Variants in RNF213 observed in about 807,000 individuals in gnomAD.
The protein encoded by RNF213 is ring finger protein 213.
Under a neutral mutation model 514.4 loss-of-function variants are expected in RNF213, and 341 were observed. That is an observed-to-expected ratio of 0.66 (90% CI 0.61 to 0.73). The LOEUF is 0.73. Ranked by LOEUF, RNF213 falls within the 30% of genes least tolerant of loss-of-function variation. The pLI, the probability that RNF213 is intolerant of heterozygous loss-of-function variation, is 0.00. For missense variants in RNF213, 5,767 were observed against 6,615.6 expected, an observed-to-expected ratio of 0.87 and a Z score of 4.45; for synonymous variants, 2,655 against 2,658.2, an observed-to-expected ratio of 1.00 and a Z score of 0.04.
At chr17:80,363,350 G>A in intron 40 of RNF213, 36 bp downstream of exon 40, 2 of 1,594,416 alleles carry the variant, frequency 1.3e-6, no homozygotes, top group Non-Finnish European at 1.7e-6. Flanking sequence ...AGCAAGCCTT[G>A]TGGTGCTTCC....
At chr17:80,321,187 A>G (rs942312571) in intron 17 of RNF213, 1 of 152,216 alleles carries the variant, frequency 6.6e-6, no homozygotes, top group African/African-American at 2.4e-5. Context: ...TTTCATATAC[A>G]TCTTATACAC....
In RNF213 at chr17:80,377,714, C is replaced by A. The variant is rs758219329; in HGVS notation, c.13511-48C>A. The A allele has an allele frequency of 2.5e-6, 4 of 1,607,650 alleles. No homozygotes were observed. The South Asian group carries it at 4.4e-5, about 18-fold the overall frequency. On this transcript the variant is annotated intron_variant, in intron 53 of 67. Transcript: ENST00000582970. This position sits in a 1 kb window ranked among gnomAD's most constrained non-coding sequence, Gnocchi z 4.1. ...TTAGCTTTCCCTTTTCAATGTGGGT[C>A]ATTGGGTGAAACCTCATTAGCCAAT...
chr17:80,344,969 T>C lies in RNF213; in HGVS notation c.6634T>C (p.Trp2212Arg). 3 of 1,614,196 alleles carry C rather than the reference T, an allele frequency of 1.9e-6. No individual in the cohort carries two copies. The East Asian group carries it at 6.7e-5, about 36-fold the overall frequency. ...LFHCGVINPS[W>R]SELRNFARFL... ...TCACTGCGGGGTAATAAACCCATCCTGGTCAGAGCTTCGGAACTTTGCTCG... is the reference window on the plus strand; with the variant it reads ...TCACTGCGGGGTAATAAACCCATCCCGGTCAGAGCTTCGGAACTTTGCTCG... Residue 2212 changes from tryptophan (W) to arginine (R), a missense_variant, in exon 29 of 68, where the codon TGG (tryptophan) becomes CGG (arginine). By Grantham distance (101) the Trp-to-Arg change is moderately radical. Around this residue, in one of 13 missense-constraint regions of RNF213, gnomAD observed 1,377 missense variants for 1,635.2 expected, o/e 0.84. Transcript: ENST00000582970.
chr17:80,282,560 A>G (rs1400652637), intron 3 of RNF213, among the ~76,000 whole-genome samples: 1 of 151,298 alleles, frequency 6.6e-6, no homozygotes, highest in Non-Finnish European at 1.5e-5. Context: ...CACCACGCCC[A>G]GCCAATTTTT....
Position 80,387,109 on chromosome 17 carries a change from T to C in RNF213, c.14922+218T>C, listed in dbSNP as rs1230403980. 4.6e-5 allele frequency among the ~76,000 whole-genome samples: 7 copies of C among 152,254 alleles called. No homozygotes were observed. In the South Asian group the frequency reaches 1.4e-3, roughly 32 times the overall value. The stretch of plus-strand genomic sequence containing the variant: ...TCCTGCAGGGCCATCTGCACCTCAG[T>C]CCCCCAAGGAACTGTTGAGGTCTTT... On this transcript the variant is annotated intron_variant, in intron 63 of 67. Coordinates refer to ENST00000582970, the MANE Select transcript of RNF213 (RefSeq NM_001256071.3).
At chr17:80,274,778 G>A (rs1382606918) in intron 3 of RNF213, among the ~76,000 whole-genome samples, 2 of 16,364 alleles carry the variant, frequency 1.2e-4, no homozygotes, top group African/African-American at 8.5e-4. Flanking sequence ...TGAGTGGGGT[G>A]TCTGTGGGGG....
chr17:80,306,180 C>T, intron 11 of RNF213, 72 bp from the exon 12 acceptor site: 2 of 1,400,050 alleles, frequency 1.4e-6, no homozygotes, highest in Non-Finnish European at 2.0e-6. Flanking sequence ...GTCCCTCCAG[C>T]ATTGGTTTCC....
chr17:80,386,714 C>T lies in RNF213; in HGVS notation c.14745C>T (p.Val4915=), dbSNP rs758766027. 3.7e-6 allele frequency: 6 copies of T among 1,614,214 alleles called. No homozygotes were observed. The East Asian group carries it at 1.3e-4, about 36-fold the overall frequency. ...NNSYSVDAAE[V]TELHVISYEV... is the part of the protein sequence containing the mutation. Reference sequence around the variant, plus strand: ...GCTATTCCGTGGATGCCGCCGAGGTCACTGAACTGCATGTCATCAGTTATG... The same window carrying T: ...GCTATTCCGTGGATGCCGCCGAGGTTACTGAACTGCATGTCATCAGTTATG... Residue 4915 remains valine, a synonymous_variant, in exon 63 of 68, where the codon GTC becomes GTT. Coordinates refer to ENST00000582970, the MANE Select transcript of RNF213 (RefSeq NM_001256071.3).
chr17:80,273,007 G>A (rs1009155392), intron 2 of RNF213, among the ~76,000 whole-genome samples: 7 of 152,060 alleles, frequency 4.6e-5, no homozygotes, highest in Non-Finnish European at 2.9e-5. Context: ...ATGCTAGGAC[G>A]GCACAGTCTT....
intron 32 of RNF213, 174 bp from the exon 33 acceptor site, chr17:80,352,766 T>G: frequency 1.1e-6 from 1 of 896,816 alleles, no homozygotes; most frequent in Non-Finnish European, 1.8e-6. Context: ...TCGTGTATAG[T>G]ATCGGGTTGG....
At chr17:80,302,125 G>A (rs7503361) in intron 11 of RNF213, among the ~76,000 whole-genome samples, 3,562 of 152,276 alleles carry the variant, frequency 0.023, 132 homozygotes, top group African/African-American at 0.082. Context: ...TACGAGAGGC[G>A]AGGAAGGATG....
chr17:80,290,486 CGT>C (rs139912986), intron 6 of RNF213, 82 bp from the exon 7 acceptor site: 103,538 of 1,534,644 alleles, frequency 0.067, 4,128 homozygotes, highest in Non-Finnish European at 0.077. Context: ...TGTGTGCGCA[CGT>C]GTGTGTGTGC....
intron 58 of RNF213, among the ~76,000 whole-genome samples, chr17:80,383,364 G>A (rs770505224): frequency 8.5e-5 from 13 of 152,258 alleles, no homozygotes; most frequent in Non-Finnish European, 1.9e-4. Flanking sequence ...TAATGTACGA[G>A]GTAGAGAAAT....
intron 3 of RNF213, among the ~76,000 whole-genome samples, chr17:80,287,452 G>A (rs2044511436): frequency 6.6e-6 from 1 of 152,196 alleles, no homozygotes; most frequent in Admixed American, 6.5e-5. Context: ...ACAGTGAGCT[G>A]GGTTTGCACC....
At chr17:80,282,945 G>A (rs1039797743) in intron 3 of RNF213, among the ~76,000 whole-genome samples, 4 of 152,046 alleles carry the variant, frequency 2.6e-5, no homozygotes, top group African/African-American at 9.7e-5. Flanking sequence ...TGATCCGCCC[G>A]CCTCGTTCTC....
chr17:80,373,257 CCCCCCACACCCCACCCCCTCACACCTT>C, intron 49 of RNF213, 92 bp downstream of exon 49: 1 of 996,274 alleles, frequency 1.0e-6, no homozygotes, highest in African/African-American at 2.0e-5. Context: ...ACACCCTACC[CCCCCCACACCCCACCCCCTCACACCTT>C]CCCCACCACA....
intron 46 of RNF213, 37 bp from the exon 47 acceptor site, chr17:80,371,837 T>G: frequency 3.7e-6 from 4 of 1,082,306 alleles, no homozygotes; most frequent in Non-Finnish European, 5.7e-6. Context: ...TGTCTCCAGA[T>G]CTGAGAGAAC....
At chr17:80,370,197 T>C (rs1028761273) in intron 46 of RNF213, among the ~76,000 whole-genome samples, 1 of 152,188 alleles carries the variant, frequency 6.6e-6, no homozygotes, top group African/African-American at 2.4e-5. Flanking sequence ...AACTTTCTGA[T>C]TTTTCAGATG....
intron 38 of RNF213, 198 bp downstream of exon 38, chr17:80,360,404 C>T (rs190350636): frequency 9.2e-6 from 6 of 650,134 alleles, no homozygotes; most frequent in East Asian, 8.5e-5. Context: ...TGAGAGGCCC[C>T]GGCGGGACCA....
Sources: gnomAD v4.1 joint callset for allele counts (sites outside exome capture counted in the v4.1 genomes callset) on GRCh38, gnomAD v4.1.1 for gene constraint, gnomAD v4.1.1 regional missense constraint, Gnocchi (gnomAD v3.1) non-coding constraint, MANE v1.5 for transcripts, NCBI Gene and HGNC (gene_info 2026-07-23, HGNC 2026-07-21) for gene names.